The following ARHGEF2 variants were observed in gnomAD, a reference collection of about 807,000 sequenced individuals.
ARHGEF2 encodes Rho/Rac guanine nucleotide exchange factor 2.
ARHGEF2 carries 22 observed loss-of-function variants against 121.0 expected under a neutral mutation model. The observed-to-expected ratio is 0.18, with a 90% confidence interval of 0.13 to 0.26. The LOEUF is 0.26. Ranked by LOEUF, ARHGEF2 falls within the 10% of genes least tolerant of loss-of-function variation. ARHGEF2 has a pLI of 1.00. For synonymous variants in ARHGEF2, 487 were observed against 530.0 expected, an observed-to-expected ratio of 0.92 and a Z score of 1.11; for missense variants, 907 against 1,336.0, an observed-to-expected ratio of 0.68 and a Z score of 5.01.
chr1:155,967,947 G>T (rs536142831), intron 2 of ARHGEF2, among the ~76,000 whole-genome samples: 1 of 152,100 alleles, frequency 6.6e-6, no homozygotes, highest in Non-Finnish European at 1.5e-5. Context: ...AGAAGTGGGG[G>T]TTGCAGCTGC....
intron 7 of ARHGEF2, among the ~76,000 whole-genome samples, chr1:155,964,157 AAAAAAAAAAAAT>A (rs1221472987): frequency 2.7e-5 from 2 of 74,882 alleles, no homozygotes; most frequent in East Asian, 1.4e-3. Flanking sequence ...AAAAAAAAAA[AAAAAAAAAAAAT>A]ATATATATAT....
chr1:155,972,156 A>C, intron 1 of ARHGEF2: 1 of 401,920 alleles, frequency 2.5e-6, no homozygotes, highest in South Asian at 1.7e-5. Flanking sequence ...GGGCAGCCAG[A>C]GAACAGGGTC....
At chr1:155,957,042 A>G (rs1676839297) in intron 13 of ARHGEF2, among the ~76,000 whole-genome samples, 1 of 152,076 alleles carries the variant, frequency 6.6e-6, no homozygotes, top group Admixed American at 6.6e-5. Context: ...AAAAATTAAA[A>G]AAAAAAAAGA....
intron 4 of ARHGEF2, 64 bp downstream of exon 4, chr1:155,966,352 C>T (rs1193000245): frequency 6.5e-7 from 1 of 1,527,962 alleles, no homozygotes; most frequent in Non-Finnish European, 9.1e-7. Flanking sequence ...GCAGCAGAGC[C>T]CATGGGTTGA....
chr1:155,956,842 G>A (rs902700659), intron 13 of ARHGEF2, among the ~76,000 whole-genome samples: 3 of 138,788 alleles, frequency 2.2e-5, no homozygotes, highest in East Asian at 2.2e-4. Flanking sequence ...TGTAGTCCCA[G>A]CTACTCAGGA....
chr1:155,952,793 G>T lies in ARHGEF2; in HGVS notation c.1819C>A (p.Leu607Met). The T allele has an allele frequency of 3.7e-6, 6 of 1,614,190 alleles. No individual in the cohort carries two copies. The highest frequency in any genetic ancestry group is 5.1e-6 in the Non-Finnish European group (6 of 1,180,040). Residue 607 changes from leucine (L) to methionine (M), a missense_variant, in exon 15 of 22, where the codon CTG becomes ATG. Physicochemically the swap from Leu to Met is conservative, Grantham distance 15. Around this residue, in one of 2 missense-constraint regions of ARHGEF2, gnomAD observed 432 missense variants for 559.5 expected, o/e 0.77. Coordinates refer to ENST00000361247, the MANE Select transcript of ARHGEF2 (RefSeq NM_001162383.2). ...AACAGCCCGACCTTCTCTCGCAGCA[G>T]CTCCACCAGTGCCCGGTCCTTCTGC... ...LQQKDRALVELLREKVGLFAE... is the reference protein window; with the variant it reads ...LQQKDRALVEMLREKVGLFAE...
chr1:155,977,956 G>T lies in ARHGEF2; in HGVS notation c.63+409C>A, dbSNP rs562790867. ...GCCAGCGATTGGGGAGTGATGGGGG[G>T]TCGCCACGCCAAGCCCAAGCCGGTG... On this transcript the variant is annotated intron_variant, in intron 1 of 21. Transcript: ENST00000361247. 5.2e-4 allele frequency: 206 copies of T among 399,336 alleles called. 2 individuals are homozygous for T. The highest frequency in any genetic ancestry group is 1.8e-3 in the South Asian group (18 of 10,054). 24.7% of individuals were successfully genotyped at this position (399,336 alleles called of 1,614,324 possible).
chr1:155,959,253 A>T (rs2102651997), intron 11 of ARHGEF2, among the ~76,000 whole-genome samples: 1 of 151,974 alleles, frequency 6.6e-6, no homozygotes, highest in Non-Finnish European at 1.5e-5. Flanking sequence ...ATTTGATTCT[A>T]TTATTATTTT....
intron 13 of ARHGEF2, among the ~76,000 whole-genome samples, chr1:155,955,189 G>A (rs1676413041): frequency 6.6e-6 from 1 of 151,542 alleles, no homozygotes; most frequent in African/African-American, 2.4e-5. Flanking sequence ...GTGCAAGGGC[G>A]CTATCTCAGC....
intron 1 of ARHGEF2, chr1:155,971,021 T>C: frequency 1.0e-6 from 1 of 986,478 alleles, no homozygotes. Context: ...CCTCCCGCTC[T>C]GCCTTCCCTT....
intron 2 of ARHGEF2, chr1:155,968,936 C>G (rs1462544783): frequency 3.6e-6 from 2 of 555,116 alleles, no homozygotes; most frequent in Admixed American, 3.2e-5. Context: ...TCCCCTCCCC[C>G]ACATTCCCAG....
intron 11 of ARHGEF2, among the ~76,000 whole-genome samples, chr1:155,958,824 C>A (rs1444632479): frequency 6.7e-6 from 1 of 148,806 alleles, no homozygotes; most frequent in African/African-American, 2.5e-5. Context: ...GTTTATCCAC[C>A]AGTTTCGGCC....
intron 11 of ARHGEF2, among the ~76,000 whole-genome samples, chr1:155,960,065 T>C (rs1419000397): frequency 6.6e-6 from 1 of 152,052 alleles, no homozygotes; most frequent in Non-Finnish European, 1.5e-5. Context: ...CTGCTTCAAT[T>C]TCTTTCTCTG....
At chr1:155,972,144 T>C in intron 1 of ARHGEF2, 1 of 390,834 alleles carries the variant, frequency 2.6e-6, no homozygotes, top group South Asian at 1.8e-5. Context: ...GGGAGAAGAC[T>C]GGGGCAGCCA....
In ARHGEF2 at chr1:155,969,299, G is replaced by A. The variant is rs371480698; in HGVS notation, c.65C>T (p.Thr22Ile). 4 of 1,614,040 alleles carry A rather than the reference G, an allele frequency of 2.5e-6. No homozygotes were observed. ...TTCCTTCATCTTCTCCTTTTCCCGGGTCTGTGGAAGGGATGAGAGGGAGAG... is the reference window on the plus strand; with the variant it reads ...TTCCTTCATCTTCTCCTTTTCCCGGATCTGTGGAAGGGATGAGAGGGAGAG... ...IDRSRELASK[T>I]REKEKMKEAK... The change falls in exon 2 of 22, where the codon ACC becomes ATC. Residue 22 changes from threonine (T) to isoleucine (I), a missense_variant and splice_region_variant. Thr to Ile is a moderately conservative substitution (Grantham distance 89). Coordinates refer to ENST00000361247, the MANE Select transcript of ARHGEF2 (RefSeq NM_001162383.2).
chr1:155,955,898 T>C (rs1207913377), intron 13 of ARHGEF2, among the ~76,000 whole-genome samples: 2 of 151,872 alleles, frequency 1.3e-5, no homozygotes, highest in African/African-American at 4.8e-5. Flanking sequence ...ATATTTTTAG[T>C]AGAGACAGGG....
At chr1:155,970,697 G>A in intron 1 of ARHGEF2, 16 of 986,134 alleles carry the variant, frequency 1.6e-5, no homozygotes, top group Non-Finnish European at 1.8e-5. Context: ...TGGAGGAGGG[G>A]AAGAGATGCA....
In ARHGEF2 at chr1:155,951,145, G is replaced by A. The variant is rs1170520147; in HGVS notation, c.2387C>T (p.Ala796Val). 3.1e-6 allele frequency: 5 copies of A among 1,604,306 alleles called. No homozygotes were observed. In the Admixed American group the frequency reaches 5.1e-5, roughly 16 times the overall value. Residue 796 changes from alanine to valine, a missense_variant, in exon 20 of 22, where the codon GCC becomes GTC. Physicochemically the swap from Ala to Val is moderately conservative, Grantham distance 64 (BLOSUM62 0). Coordinates refer to ENST00000361247, the MANE Select transcript of ARHGEF2 (RefSeq NM_001162383.2). This position sits in a 1 kb window ranked among gnomAD's most constrained non-coding sequence, Gnocchi z 5.1. ...EAGRAGAAPV[A>V]PEKQATELAL... Reference sequence around the variant, plus strand: ...CAGTTCCGTGGCCTGCTTTTCAGGGGCCACAGGGGCAGCCCCAGCCCTGCC... The same window carrying A: ...CAGTTCCGTGGCCTGCTTTTCAGGGACCACAGGGGCAGCCCCAGCCCTGCC...
intron 14 of ARHGEF2, among the ~76,000 whole-genome samples, chr1:155,953,572 T>G (rs1032221023): frequency 4.6e-5 from 7 of 151,758 alleles, no homozygotes; most frequent in African/African-American, 1.7e-4. Context: ...TGAAACCCTA[T>G]CTCTACTAAA....
Sources: gnomAD v4.1 joint callset for allele counts (sites outside exome capture counted in the v4.1 genomes callset) on GRCh38, gnomAD v4.1.1 for gene constraint, gnomAD v4.1.1 regional missense constraint, Gnocchi (gnomAD v3.1) non-coding constraint, MANE v1.5 for transcripts, NCBI Gene and HGNC (gene_info 2026-07-23, HGNC 2026-07-21) for gene names.